PRICKLE1: variants seen among roughly 807,000 people sequenced by gnomAD.
PRICKLE1 encodes prickle-like protein 1.
PRICKLE1 carries 14 observed loss-of-function variants against 70.2 expected under a neutral mutation model. The observed-to-expected ratio is 0.20, with a 90% CI of 0.13 to 0.31. The LOEUF is 0.31. PRICKLE1 is among the 10% of genes least tolerant of loss of function. The pLI is 1.00. For synonymous variants in PRICKLE1, 357 were observed against 379.9 expected (o/e 0.94, Z 0.70); for missense variants, 821 against 1,026.2 (o/e 0.80, Z 2.73).
chr12:42,537,558 C>T (rs188506469), intron 1 of PRICKLE1, among the ~76,000 whole-genome samples: 1 of 152,106 alleles, frequency 6.6e-6, no homozygotes, highest in South Asian at 2.1e-4. Context: ...GGCTTGAATA[C>T]CAACTCTGTT....
At chr12:42,470,886 A>G (rs1344265208) in intron 2 of PRICKLE1, among the ~76,000 whole-genome samples, 3 of 151,486 alleles carry the variant, frequency 2.0e-5, no homozygotes, top group African/African-American at 7.3e-5. Context: ...AGCCTGAGTG[A>G]CAGAGCAAGA....
intron 1 of PRICKLE1, among the ~76,000 whole-genome samples, chr12:42,546,570 AT>A (rs1940216869): frequency 6.6e-6 from 1 of 152,168 alleles, no homozygotes; most frequent in African/African-American, 2.4e-5. Flanking sequence ...CCTGGCCAAC[AT>A]GGCGAAACCC....
chr12:42,582,736 A>G (rs770886572), intron 1 of PRICKLE1, among the ~76,000 whole-genome samples: 1 of 152,242 alleles, frequency 6.6e-6, no homozygotes, highest in Non-Finnish European at 1.5e-5. Context: ...GCCACATGCA[A>G]CCCAGGATGG....
intron 2 of PRICKLE1, among the ~76,000 whole-genome samples, chr12:42,470,948 G>C (rs1483900756): frequency 6.6e-6 from 1 of 151,754 alleles, no homozygotes; most frequent in Admixed American, 6.6e-5. Context: ...AGTCTTCCAA[G>C]GGGTCAGACA....
intron 6 of PRICKLE1, 53 bp downstream of exon 6, chr12:42,466,141 C>A: frequency 6.3e-7 from 1 of 1,585,600 alleles, no homozygotes; most frequent in South Asian, 1.1e-5. Flanking sequence ...CTGGATAATC[C>A]AAGACAGACT....
At chr12:42,553,938 A>G (rs1004416291) in intron 1 of PRICKLE1, among the ~76,000 whole-genome samples, 4 of 152,132 alleles carry the variant, frequency 2.6e-5, no homozygotes, top group Non-Finnish European at 5.9e-5. Flanking sequence ...CCCCATCTCT[A>G]CTAAAACATG....
At chr12:42,468,060 A>G (rs911800420) in intron 5 of PRICKLE1, among the ~76,000 whole-genome samples, 3 of 152,182 alleles carry the variant, frequency 2.0e-5, no homozygotes, top group African/African-American at 7.2e-5. Context: ...TGTCAGGGGA[A>G]GCTGGGAGAA....
chr12:42,562,504 C>A (rs1419581817), intron 1 of PRICKLE1, among the ~76,000 whole-genome samples: 2 of 151,530 alleles, frequency 1.3e-5, no homozygotes, highest in South Asian at 4.2e-4. Context: ...ACTGAAAATA[C>A]CAAAACACAG....
intron 1 of PRICKLE1, chr12:42,485,548 A>C (rs191384411): frequency 2.7e-4 from 41 of 152,180 alleles, no homozygotes; most frequent in African/African-American, 8.9e-4. Flanking sequence ...CCTTTTTCCT[A>C]CTTCACTCTG....
At chr12:42,565,248 A>C (rs1159880496) in intron 1 of PRICKLE1, among the ~76,000 whole-genome samples, 3 of 152,184 alleles carry the variant, frequency 2.0e-5, no homozygotes, top group Non-Finnish European at 4.4e-5. Flanking sequence ...GGAAGTTTTA[A>C]AACAGGGGTT....
chr12:42,578,679 C>A (rs1323589224), intron 1 of PRICKLE1, among the ~76,000 whole-genome samples: 1 of 152,030 alleles, frequency 6.6e-6, no homozygotes, highest in Non-Finnish European at 1.5e-5. Context: ...ATCTCTATCT[C>A]CTTTCTAAAA....
intron 1 of PRICKLE1, among the ~76,000 whole-genome samples, chr12:42,557,821 AAC>A (rs1841482820): frequency 1.3e-5 from 2 of 152,230 alleles, no homozygotes; most frequent in Admixed American, 6.5e-5. Context: ...AGGCTCCTCA[AAC>A]ACACACTAAG....
At chr12:42,564,194 T>C (rs1439221101) in intron 1 of PRICKLE1, among the ~76,000 whole-genome samples, 1 of 138,760 alleles carries the variant, frequency 7.2e-6, no homozygotes, top group African/African-American at 2.8e-5. Context: ...AGGTGGAGGT[T>C]GCAGTGAGCC....
In PRICKLE1 at chr12:42,460,001, G is replaced by C. The variant is rs35854729; in HGVS notation, c.2304C>G (p.Ser768=). The change falls in exon 8 of 8, where the codon TCC becomes TCG. Residue 768 remains serine, a synonymous_variant. Transcript: ENST00000345127. The part of the protein sequence containing the change: ...DDDSWCSSSS[S]SSDSEEEGYF... ...ATCCTTCTTCTTCCGAGTCGGAAGA[G>C]GAGGAGGAGGAAGAACACCAGGAAT... The C allele has an allele frequency of 1.0e-3, 1,623 of 1,613,436 alleles. 17 individuals carry two copies. The African/African-American group carries it at 0.019, about 19-fold the overall frequency.
chr12:42,490,397 C>G (rs1939077777), intron 1 of PRICKLE1, among the ~76,000 whole-genome samples: 1 of 152,166 alleles, frequency 6.6e-6, no homozygotes, highest in Admixed American at 6.5e-5. Flanking sequence ...CCAAAGGCAG[C>G]CAGGCCCAGG....
intron 1 of PRICKLE1, among the ~76,000 whole-genome samples, chr12:42,581,856 C>T (rs550009903): frequency 6.6e-6 from 1 of 152,270 alleles, no homozygotes; most frequent in South Asian, 2.1e-4. Context: ...TGGTTGCTTC[C>T]TGCCTAAACA....
chr12:42,466,530 T>G, intron 5 of PRICKLE1, 150 bp from the exon 6 acceptor site: 1 of 690,936 alleles, frequency 1.4e-6, no homozygotes, highest in Non-Finnish European at 2.5e-6. Flanking sequence ...GTCACAAGCT[T>G]AAATCTAACA....
intron 1 of PRICKLE1, among the ~76,000 whole-genome samples, chr12:42,492,840 G>A (rs894978211): frequency 2.0e-5 from 3 of 152,152 alleles, no homozygotes; most frequent in Non-Finnish European, 4.4e-5. Flanking sequence ...TGTCTGTTTT[G>A]TTTAATGATA....
At chr12:42,512,120 T>C (rs1939522711) in intron 1 of PRICKLE1, among the ~76,000 whole-genome samples, 2 of 103,472 alleles carry the variant, frequency 1.9e-5, no homozygotes, top group South Asian at 6.8e-4. Context: ...ATGGTCCCAT[T>C]ACAAAAAAAA....
Sources: allele counts gnomAD v4.1 joint callset (sites outside exome capture counted in the v4.1 genomes callset), GRCh38; gene constraint gnomAD v4.1.1; transcripts MANE v1.5; gene names NCBI Gene and HGNC (gene_info 2026-07-23, HGNC 2026-07-21).